The following SKA2 variants were observed in gnomAD, a reference collection of about 807,000 sequenced individuals.
SKA2 encodes the protein spindle and kinetochore associated complex subunit 2, also known as spindle and kinetochore-associated protein 2.
SKA2 carries 13 observed loss-of-function variants against 16.9 expected under a neutral mutation model. That is an observed-to-expected ratio of 0.77 (90% CI 0.50 to 1.22). SKA2 has a LOEUF of 1.22. Ranked by LOEUF, SKA2 falls within the 50% of genes most tolerant of loss-of-function variation. The pLI, the probability that SKA2 is intolerant of heterozygous loss-of-function variation, is 0.00. For missense variants in SKA2, 107 were observed against 139.7 expected (o/e 0.77, Z 1.18); for synonymous variants, 47 against 48.5 (o/e 0.97, Z 0.13).
Position 59,112,164 on chromosome 17 carries a change from A to T in SKA2, c.*113T>A, listed in dbSNP as rs913818988. Reference sequence around the variant, plus strand: ...ATCATTATCCAGTCATTGAAGCCAAACCCCCTTCACCAGCCCCCAATCTCT... The same window carrying T: ...ATCATTATCCAGTCATTGAAGCCAATCCCCCTTCACCAGCCCCCAATCTCT... On this transcript the variant is annotated 3_prime_UTR_variant, in exon 4 of 4. Transcript: ENST00000330137. 5 of 768,392 alleles carry T rather than the reference A, an allele frequency of 6.5e-6. No individual in the cohort carries two copies. The highest frequency in any genetic ancestry group is 1.8e-5 in the African/African-American group (1 of 57,004). 47.6% of individuals were successfully genotyped at this position (768,392 alleles called of 1,614,324 possible). A position where few individuals can be genotyped will look rare whatever the true frequency, so the allele number is the denominator to read the frequency against.
intron 3 of SKA2, among the ~76,000 whole-genome samples, chr17:59,115,496 C>G (rs770104526): frequency 8.5e-5 from 13 of 152,206 alleles, no homozygotes; most frequent in Non-Finnish European, 1.8e-4. Flanking sequence ...CAAGGATAAA[C>G]TGAAAAACAA....
At chr17:59,117,744 C>T (rs929883107) in intron 3 of SKA2, among the ~76,000 whole-genome samples, 6 of 152,016 alleles carry the variant, frequency 3.9e-5, no homozygotes, top group African/African-American at 1.4e-4. Flanking sequence ...ATTTTTAAAG[C>T]AGTAGGTACA....
chr17:59,150,720 C>G (rs2046570894), intron 1 of SKA2, among the ~76,000 whole-genome samples: 1 of 151,818 alleles, frequency 6.6e-6, no homozygotes, highest in Non-Finnish European at 1.5e-5. Flanking sequence ...CCAGCCTGGG[C>G]AACAGAGAAA....
At chr17:59,125,445 G>A (rs2046365342) in intron 2 of SKA2, among the ~76,000 whole-genome samples, 1 of 151,436 alleles carries the variant, frequency 6.6e-6, no homozygotes, top group Admixed American at 6.6e-5. Flanking sequence ...GCTCACGCCT[G>A]TAATCTCAGC....
rs1242908512 is a variant in SKA2, at chr17:59,112,332, G to A, written c.311C>T (p.Thr104Ile). 4 of 1,609,936 alleles carry A rather than the reference G, an allele frequency of 2.5e-6. No individual in the cohort carries two copies. The highest frequency in any genetic ancestry group is 2.2e-5 in the South Asian group (2 of 90,550). ...KQTDLELSPL[T>I]KEEKTAAEQF... ...CTCTGCCGCAGTTTTCTCTTCTTTAGTCAGTGGTGACAGCTAGAAAATAAA... is the reference window on the plus strand; with the variant it reads ...CTCTGCCGCAGTTTTCTCTTCTTTAATCAGTGGTGACAGCTAGAAAATAAA... The change falls in exon 4 of 4, where the codon ACT becomes ATT. Residue 104 changes from threonine (T) to isoleucine (I), a missense_variant. Coordinates refer to ENST00000330137, the MANE Select transcript of SKA2 (RefSeq NM_182620.4).
chr17:59,135,228 C>T (rs2046436274), intron 1 of SKA2, among the ~76,000 whole-genome samples: 1 of 150,626 alleles, frequency 6.6e-6, no homozygotes, highest in Non-Finnish European at 1.5e-5. Flanking sequence ...GAGGCGGTTT[C>T]TACTTTTAAA....
intron 1 of SKA2, among the ~76,000 whole-genome samples, chr17:59,149,523 A>C (rs944776162): frequency 7.9e-6 from 1 of 126,124 alleles, no homozygotes; most frequent in Non-Finnish European, 1.6e-5. Flanking sequence ...AAAGAAAAAA[A>C]TATTGCTAAA....
At chr17:59,114,835 C>T (rs1478054689) in intron 3 of SKA2, among the ~76,000 whole-genome samples, 1 of 152,078 alleles carries the variant, frequency 6.6e-6, no homozygotes. Flanking sequence ...ACAATTCTGC[C>T]AACTATATAG....
intron 3 of SKA2, among the ~76,000 whole-genome samples, chr17:59,118,996 A>C (rs2046314838): frequency 6.6e-6 from 1 of 152,184 alleles, no homozygotes; most frequent in Non-Finnish European, 1.5e-5. Flanking sequence ...ACAGCACTCT[A>C]AGCCACCCTT....
At chr17:59,115,115 G>A (rs1290653221) in intron 3 of SKA2, among the ~76,000 whole-genome samples, 1 of 146,882 alleles carries the variant, frequency 6.8e-6, no homozygotes, top group Non-Finnish European at 1.5e-5. Context: ...AGGCTGGAGC[G>A]CAATCTCAGC....
intron 1 of SKA2, 148 bp downstream of exon 1, chr17:59,154,983 G>A: frequency 1.2e-6 from 2 of 1,613,896 alleles, no homozygotes; most frequent in East Asian, 4.5e-5. Context: ...CCAGACGGTG[G>A]CGGCTCCCTT....
intron 2 of SKA2, among the ~76,000 whole-genome samples, chr17:59,120,149 C>G (rs2046322904): frequency 6.6e-6 from 1 of 152,028 alleles, no homozygotes; most frequent in South Asian, 2.1e-4. Context: ...ACCTTGTGAT[C>G]CGCCCGCCTC....
At chr17:59,125,369 T>C (rs1019965618) in intron 2 of SKA2, among the ~76,000 whole-genome samples, 1 of 151,970 alleles carries the variant, frequency 6.6e-6, no homozygotes, top group African/African-American at 2.4e-5. Context: ...AATACTTCAA[T>C]TCATTTTAGG....
chr17:59,128,668 C>G (rs1455550639), intron 2 of SKA2, among the ~76,000 whole-genome samples: 1 of 150,562 alleles, frequency 6.6e-6, no homozygotes, highest in Admixed American at 6.6e-5. Context: ...AAAAGTTAGA[C>G]ATGAAAGGTC....
chr17:59,144,979 G>C (rs925570868), intron 1 of SKA2, among the ~76,000 whole-genome samples: 5 of 152,100 alleles, frequency 3.3e-5, no homozygotes, highest in African/African-American at 1.2e-4. Context: ...TGTATTTTTA[G>C]TAGAGACGGG....
At chr17:59,150,979 TTTAA>T (rs1044000018) in intron 1 of SKA2, among the ~76,000 whole-genome samples, 1 of 152,176 alleles carries the variant, frequency 6.6e-6, no homozygotes, top group Non-Finnish European at 1.5e-5. Context: ...AAATATTGTT[TTTAA>T]TTAGTTAAAA....
chr17:59,139,413 A>G (rs1182238908), intron 1 of SKA2, among the ~76,000 whole-genome samples: 2 of 151,036 alleles, frequency 1.3e-5, no homozygotes, highest in Non-Finnish European at 2.9e-5. Context: ...AAAAAAAAAA[A>G]AAAAAGAAAT....
At chr17:59,132,490 C>T (rs2046418179) in intron 1 of SKA2, among the ~76,000 whole-genome samples, 1 of 152,168 alleles carries the variant, frequency 6.6e-6, no homozygotes, top group Non-Finnish European at 1.5e-5. Flanking sequence ...ATGGCAAAAC[C>T]CCATCTCTAC....
intron 2 of SKA2, among the ~76,000 whole-genome samples, chr17:59,126,224 C>T (rs886893209): frequency 3.3e-5 from 5 of 151,698 alleles, no homozygotes; most frequent in African/African-American, 1.2e-4. Context: ...AATTATGTTT[C>T]TGGAACAAAT....
Sources: allele counts gnomAD v4.1 joint callset (sites outside exome capture counted in the v4.1 genomes callset), GRCh38; gene constraint gnomAD v4.1.1; transcripts MANE v1.5; gene names NCBI Gene and HGNC (gene_info 2026-07-23, HGNC 2026-07-21).